MCF2L2: variants seen among roughly 807,000 people sequenced by gnomAD.
MCF2L2 encodes the protein MCF.2 cell line derived transforming sequence-like 2, also known as probable guanine nucleotide exchange factor MCF2L2.
Under a neutral mutation model 150.2 loss-of-function variants are expected in MCF2L2, and 102 were observed. The observed-to-expected ratio is 0.68, with a 90% CI of 0.58 to 0.80. MCF2L2 has a LOEUF of 0.80. Among genes scored for constraint, MCF2L2 ranks in the 30% least tolerant of loss-of-function variants. The pLI, the probability that MCF2L2 is intolerant of heterozygous loss-of-function variation, is 0.00. For synonymous variants in MCF2L2, 465 were observed against 491.3 expected, an observed-to-expected ratio of 0.95 and a Z score of 0.71; for missense variants, 1,256 against 1,372.8, an observed-to-expected ratio of 0.91 and a Z score of 1.34.
intron 1 of MCF2L2, among the ~76,000 whole-genome samples, chr3:183,422,088 A>C (rs578088075): frequency 5.3e-4 from 81 of 152,316 alleles, no homozygotes; most frequent in Non-Finnish European, 1.1e-3. Context: ...AGTCTTATTC[A>C]ATTAAATTCA....
chr3:183,313,218 G>A (rs1729456782), intron 7 of MCF2L2, among the ~76,000 whole-genome samples: 1 of 147,776 alleles, frequency 6.8e-6, no homozygotes, highest in Admixed American at 6.8e-5. Context: ...CTTAACTGCT[G>A]CTGAGCTTCC....
chr3:183,297,133 A>T lies in MCF2L2; in HGVS notation c.1340T>A (p.Leu447Ter), dbSNP rs1288217410. The T allele has an allele frequency of 6.2e-7, 1 of 1,614,038 alleles. No individual in the cohort carries two copies. Among genetic ancestry groups the T allele is most frequent in the African/African-American group, 1.3e-5 (1 of 74,914 alleles). ...SQWCEAGIYL[L>*]ASQAVDKCQS... ...GCACTTGTCTACAGCTTGGGAAGCC[A>T]AGAGGTAGATTCCTGCCTCACACCA... Residue 447 changes from leucine (L) to a stop codon, truncating the protein, a stop_gained, in exon 12 of 30, where the codon TTG (leucine) becomes TAG (stop). Coordinates refer to ENST00000328913, the MANE Select transcript of MCF2L2 (RefSeq NM_015078.4). LOFTEE classifies it high-confidence loss of function.
At chr3:183,245,400 G>A (rs879773820) in intron 15 of MCF2L2, among the ~76,000 whole-genome samples, 21 of 152,142 alleles carry the variant, frequency 1.4e-4, no homozygotes, top group Non-Finnish European at 2.9e-4. Flanking sequence ...CACACACAGG[G>A]CCTTACAGGA....
intron 10 of MCF2L2, among the ~76,000 whole-genome samples, chr3:183,308,683 G>A (rs1729219618): frequency 6.6e-6 from 1 of 152,164 alleles, no homozygotes; most frequent in Non-Finnish European, 1.5e-5. Context: ...ACTTTGTTTT[G>A]TATCCTTTAG....
chr3:183,333,433 A>G (rs1036415014), intron 5 of MCF2L2, among the ~76,000 whole-genome samples: 1 of 152,174 alleles, frequency 6.6e-6, no homozygotes, highest in Admixed American at 6.5e-5. Context: ...TGAACAGAAA[A>G]AGTCTATCTA....
chr3:183,240,091 C>T (rs1291698209), intron 15 of MCF2L2, among the ~76,000 whole-genome samples: 1 of 152,220 alleles, frequency 6.6e-6, no homozygotes, highest in African/African-American at 2.4e-5. Context: ...TGGGTGACTA[C>T]TGACTCTCCA....
chr3:183,206,910 AAAGAAAGGAAGGAAGGAAGG>A (rs1333605494), intron 23 of MCF2L2, among the ~76,000 whole-genome samples: 8 of 143,626 alleles, frequency 5.6e-5, no homozygotes, highest in African/African-American at 7.8e-5. Flanking sequence ...AGACAGAAAG[AAAGAAAGGAAGGAAGGAAGG>A]AAGGAAGGAA....
At position 183,276,938 on chromosome 3, in the gene MCF2L2, C is replaced by G; in HGVS notation, c.1796G>C (p.Ser599Thr). 6.2e-7 allele frequency: 1 copy of G among 1,608,584 alleles called. No individual in the cohort carries two copies. ...CTCAGGGTTCCCCCTTTCATGATGGCTTTCAAAGATTTCTTCACTCTGAAG... is the reference window on the plus strand; with the variant it reads ...CTCAGGGTTCCCCCTTTCATGATGGGTTTCAAAGATTTCTTCACTCTGAAG... The part of the protein sequence containing the change: ...FEVKSEEIFE[S>T]HHERGNPELE... Residue 599 changes from serine to threonine, a missense_variant, in exon 15 of 30, where the codon AGC becomes ACC. Physicochemically the swap from Ser to Thr is moderately conservative, Grantham distance 58. Transcript: ENST00000328913.
intron 10 of MCF2L2, among the ~76,000 whole-genome samples, chr3:183,306,958 G>A (rs567611807): frequency 6.6e-6 from 1 of 152,270 alleles, no homozygotes; most frequent in East Asian, 1.9e-4. Context: ...AGCAAGTTCT[G>A]CTTTTATAGA....
Position 183,297,171 on chromosome 3 carries a change from T to C in MCF2L2, c.1306-4A>G. On this transcript the variant is annotated splice_polypyrimidine_tract_variant and splice_region_variant and intron_variant, in intron 11 of 29. Coordinates refer to ENST00000328913, the MANE Select transcript of MCF2L2 (RefSeq NM_015078.4). ...CTGCCTCACACCATTGGCTGACCTTTTGGAAAGAAACAGTGCCCTGTGCAC... is the reference window on the plus strand; with the variant it reads ...CTGCCTCACACCATTGGCTGACCTTCTGGAAAGAAACAGTGCCCTGTGCAC... The C allele has an allele frequency of 1.9e-6, 3 of 1,613,450 alleles. No homozygotes were observed. Among genetic ancestry groups the C allele is most frequent in the South Asian group, 1.1e-5 (1 of 91,028 alleles).
chr3:183,302,457 C>G (rs1253397882), intron 10 of MCF2L2, among the ~76,000 whole-genome samples: 1 of 151,970 alleles, frequency 6.6e-6, no homozygotes, highest in African/African-American at 2.4e-5. Flanking sequence ...GTGGCTGCAG[C>G]AGAGGGAGCA....
In MCF2L2 at chr3:183,207,190, G is replaced by T. The variant is rs889052790; in HGVS notation, c.2712+418C>A. Among the ~76,000 whole-genome samples, 113 of 152,096 alleles carry T rather than the reference G, an allele frequency of 7.4e-4. 3 individuals carry two copies. Among genetic ancestry groups the T allele is most frequent in the Non-Finnish European group, 1.6e-4 (11 of 68,016 alleles). On this transcript the variant is annotated intron_variant, in intron 23 of 29. Coordinates refer to ENST00000328913, the MANE Select transcript of MCF2L2 (RefSeq NM_015078.4). ...GGTGAGAAAACAATGCTTGGTGTGG[G>T]CCTGGGTGCCTTAGACCCCAAGGTC... is the stretch of plus-strand genomic sequence containing the variant.
chr3:183,321,655 T>C (rs2108519273), intron 6 of MCF2L2, among the ~76,000 whole-genome samples: 1 of 152,238 alleles, frequency 6.6e-6, no homozygotes, highest in East Asian at 1.9e-4. Flanking sequence ...ATGTGAAGCA[T>C]AATAAAATGA....
At chr3:183,360,398 T>C (rs1371661705) in intron 3 of MCF2L2, among the ~76,000 whole-genome samples, 1 of 151,764 alleles carries the variant, frequency 6.6e-6, no homozygotes, top group Non-Finnish European at 1.5e-5. Context: ...CGAGATACTG[T>C]CCCCACACAA....
At chr3:183,367,227 C>CTTTT (rs11340213) in intron 3 of MCF2L2, among the ~76,000 whole-genome samples, 4 of 140,452 alleles carry the variant, frequency 2.8e-5, no homozygotes, top group African/African-American at 5.2e-5. Flanking sequence ...TTCTTTCTTT[C>CTTTT]TTTTTTTTTT....
chr3:183,391,892 TTTCTC>T (rs372193227), intron 1 of MCF2L2, among the ~76,000 whole-genome samples: 162 of 150,506 alleles, frequency 1.1e-3, no homozygotes, highest in African/African-American at 3.7e-3. Flanking sequence ...ATTTTTTTGA[TTTCTC>T]TTTTTTAAGA....
At chr3:183,297,339 A>T in intron 11 of MCF2L2, 172 bp from the exon 12 acceptor site, 1 of 606,712 alleles carries the variant, frequency 1.6e-6, no homozygotes. Flanking sequence ...TTACACTATG[A>T]GGGGGACAAA....
At chr3:183,383,057 C>G (rs988168941) in intron 2 of MCF2L2, among the ~76,000 whole-genome samples, 5 of 152,126 alleles carry the variant, frequency 3.3e-5, no homozygotes, top group Non-Finnish European at 5.9e-5. Context: ...GCCTAGGATA[C>G]TAAATGACCC....
At chr3:183,184,200 T>G (rs1002173268) in intron 27 of MCF2L2, among the ~76,000 whole-genome samples, 1 of 152,158 alleles carries the variant, frequency 6.6e-6, no homozygotes, top group Non-Finnish European at 1.5e-5. Context: ...GTATTTTTAG[T>G]AGAGACAGGG....
Sources: gnomAD v4.1 joint callset for allele counts (sites outside exome capture counted in the v4.1 genomes callset) on GRCh38, gnomAD v4.1.1 for gene constraint, MANE v1.5 for transcripts, NCBI Gene and HGNC (gene_info 2026-07-23, HGNC 2026-07-21) for gene names.